Variants in GPALPP1 observed in about 807,000 individuals in gnomAD.
GPALPP1 encodes GPALPP motifs containing 1.
Under a neutral mutation model 38.9 loss-of-function variants are expected in GPALPP1, and 30 were observed. The observed-to-expected ratio is 0.77, with a 90% CI of 0.58 to 1.05. The LOEUF (loss-of-function observed/expected upper bound fraction) is 1.05. GPALPP1 is among the 50% of genes least tolerant of loss of function. GPALPP1 has a pLI of 0.00. For synonymous variants in GPALPP1, 120 were observed against 139.2 expected (o/e 0.86, Z 0.97); for missense variants, 384 against 408.8 (o/e 0.94, Z 0.52).
intron 1 of GPALPP1, among the ~76,000 whole-genome samples, chr13:44,997,198 C>T (rs1206218551): frequency 6.6e-6 from 1 of 151,872 alleles, no homozygotes; most frequent in African/African-American, 2.4e-5. Flanking sequence ...TTCCTGAATC[C>T]AGTCTGTTAT....
chr13:45,030,507 G>C (rs910141830), downstream of GPALPP1: 3 of 152,590 alleles, frequency 2.0e-5, no homozygotes, highest in African/African-American at 7.2e-5. Context: ...AGTGTCCCAA[G>C]TAGCTGGGAC....
At chr13:45,015,714 A>G in intron 6 of GPALPP1, 118 bp downstream of exon 6, 2 of 659,462 alleles carry the variant, frequency 3.0e-6, no homozygotes, top group Non-Finnish European at 4.6e-6. Flanking sequence ...CCAAAAGGAT[A>G]ATGCGGATTT....
At chr13:45,009,263 T>C (rs1446322305) in intron 4 of GPALPP1, among the ~76,000 whole-genome samples, 1 of 152,222 alleles carries the variant, frequency 6.6e-6, no homozygotes, top group Non-Finnish European at 1.5e-5. Flanking sequence ...TGAAATTTAC[T>C]TTCTCCTAAC....
rs1296223569 is a variant in GPALPP1 at position 45,008,847 on chromosome 13, A to G, written c.376A>G (p.Ser126Gly). The change falls in exon 4 of 8, where the codon AGT (serine) becomes GGT (glycine). Residue 126 changes from serine to glycine, a missense_variant. Physicochemically the swap from Ser to Gly is moderately conservative, Grantham distance 56. Transcript: ENST00000379151. Reference sequence around the variant, plus strand: ...TGGTTTCATTAAATCTACACAGAAAAGTGACAAGGGCAGAGATGATCCAGG... The same window carrying G: ...TGGTTTCATTAAATCTACACAGAAAGGTGACAAGGGCAGAGATGATCCAGG... The part of the protein sequence containing the change: ...PPGFIKSTQK[S>G]DKGRDDPGQQ... The G allele has an allele frequency of 6.3e-7, 1 of 1,599,612 alleles. No individual in the cohort carries two copies. The highest frequency in any genetic ancestry group is 1.3e-5 in the African/African-American group (1 of 74,610).
intron 4 of GPALPP1, 63 bp downstream of exon 4, chr13:45,008,942 T>C: frequency 2.1e-6 from 2 of 950,372 alleles, no homozygotes; most frequent in Non-Finnish European, 3.4e-6. Flanking sequence ...TAAGATGTAT[T>C]GTAACAAACT....
At chr13:45,019,710 A>G (rs1426331783) in intron 6 of GPALPP1, among the ~76,000 whole-genome samples, 2 of 143,648 alleles carry the variant, frequency 1.4e-5, no homozygotes, top group Non-Finnish European at 3.0e-5. Context: ...AATGTAGGAT[A>G]TCTTTTTAAG....
intron 1 of GPALPP1, among the ~76,000 whole-genome samples, chr13:44,998,864 T>C (rs1361470174): frequency 6.6e-6 from 1 of 152,164 alleles, no homozygotes; most frequent in African/African-American, 2.4e-5. Flanking sequence ...AACTCTAGAT[T>C]GAAAGTACAA....
At chr13:45,025,936 AATTTTGT>A (rs1323842249) in intron 7 of GPALPP1, among the ~76,000 whole-genome samples, 2 of 151,914 alleles carry the variant, frequency 1.3e-5, no homozygotes, top group Non-Finnish European at 2.9e-5. Flanking sequence ...ATGCCTGGCT[AATTTTGT>A]ATTTTTAGTA....
At chr13:44,995,637 C>T (rs1330939500) in intron 1 of GPALPP1, among the ~76,000 whole-genome samples, 1 of 152,194 alleles carries the variant, frequency 6.6e-6, no homozygotes, top group Non-Finnish European at 1.5e-5. Flanking sequence ...CACTAAAAAT[C>T]CCACATCCCA....
chr13:45,012,486 A>T (rs1874550909), intron 4 of GPALPP1, among the ~76,000 whole-genome samples: 1 of 152,196 alleles, frequency 6.6e-6, no homozygotes, highest in Admixed American at 6.5e-5. Flanking sequence ...TAGCACTTTT[A>T]TATAGGTTCA....
intron 4 of GPALPP1, among the ~76,000 whole-genome samples, chr13:45,012,168 C>T (rs1874524418): frequency 6.6e-6 from 1 of 152,140 alleles, no homozygotes; most frequent in Admixed American, 6.5e-5. Context: ...TTGAATTGAG[C>T]ACCATGCATA....
At chr13:45,014,840 CT>C (rs1566079620) in intron 4 of GPALPP1, 111 bp from the exon 5 acceptor site, 1 of 908,798 alleles carries the variant, frequency 1.1e-6, no homozygotes, top group Non-Finnish European at 1.6e-6. Flanking sequence ...ACATTGTTTA[CT>C]TTTTTATTTT....
chr13:45,006,540 A>G (rs1874113481), intron 3 of GPALPP1, among the ~76,000 whole-genome samples: 2 of 152,226 alleles, frequency 1.3e-5, no homozygotes, highest in South Asian at 2.1e-4. Context: ...GATATTCACA[A>G]AAGTGTTTTG....
chr13:45,014,372 GA>G (rs1366624531), intron 4 of GPALPP1, among the ~76,000 whole-genome samples: 1 of 152,036 alleles, frequency 6.6e-6, no homozygotes, highest in Non-Finnish European at 1.5e-5. Flanking sequence ...ACTAACAGTT[GA>G]GATAAAATAA....
At chr13:45,017,955 G>A (rs903334412) in intron 6 of GPALPP1, among the ~76,000 whole-genome samples, 4 of 152,130 alleles carry the variant, frequency 2.6e-5, no homozygotes, top group African/African-American at 9.7e-5. Context: ...CCCGTGTAAA[G>A]TTCATGACTA....
chr13:45,027,868 A>G lies in GPALPP1; in HGVS notation c.888A>G (p.Gln296=), dbSNP rs1875947538. The G allele has an allele frequency of 6.2e-7, 1 of 1,605,840 alleles. No individual in the cohort carries two copies. Among genetic ancestry groups the G allele is most frequent in the South Asian group, 1.1e-5 (1 of 90,886 alleles). The change falls in exon 8 of 8, where the codon CAA becomes CAG. Residue 296 remains glutamine, a synonymous_variant. Transcript: ENST00000379151. ...CTGCTGAAGACAAAAATAAGCCTCA[A>G]GAGAGAATACCATTTGACCGTGATA... ...SKAAEDKNKP[Q]ERIPFDRDKD... is the part of the protein sequence containing the mutation.
intron 1 of GPALPP1, among the ~76,000 whole-genome samples, chr13:44,998,939 G>A (rs1239812345): frequency 6.6e-6 from 1 of 152,186 alleles, no homozygotes; most frequent in African/African-American, 2.4e-5. Flanking sequence ...AGGGGAGTTG[G>A]TCCTGGAACC....
intron 1 of GPALPP1, among the ~76,000 whole-genome samples, chr13:44,998,907 A>T (rs1206540401): frequency 6.6e-6 from 1 of 152,228 alleles, no homozygotes. Context: ...GGCCATAGCC[A>T]CAGATTTTGG....
At chr13:45,021,709 T>A (rs2138008228) in intron 7 of GPALPP1, among the ~76,000 whole-genome samples, 1 of 148,976 alleles carries the variant, frequency 6.7e-6, no homozygotes, top group South Asian at 2.1e-4. Context: ...AAAATGATAA[T>A]GGAAGTTAGA....
Sources: gnomAD v4.1 joint callset for allele counts (sites outside exome capture counted in the v4.1 genomes callset) on GRCh38, gnomAD v4.1.1 for gene constraint, MANE v1.5 for transcripts, NCBI Gene and HGNC (gene_info 2026-07-23, HGNC 2026-07-21) for gene names.